Variants in TMTC1 observed in about 807,000 individuals in gnomAD.
TMTC1 encodes protein O-mannosyl-transferase TMTC1.
TMTC1 carries 73 observed loss-of-function variants against 104.8 expected under a neutral mutation model. That is an observed-to-expected ratio of 0.70 (90% CI 0.58 to 0.85). The LOEUF (loss-of-function observed/expected upper bound fraction) is 0.85. Ranked by LOEUF, TMTC1 falls within the 40% of genes least tolerant of loss-of-function variation. The probability of loss-of-function intolerance (pLI) is 0.00; values close to 1 mark genes in which losing one functional copy is unlikely to be tolerated. For synonymous variants in TMTC1, 434 were observed against 428.7 expected (o/e 1.01, Z -0.15); for missense variants, 1,035 against 1,096.1 (o/e 0.94, Z 0.79).
At chr12:29,613,964 T>C (rs922676250) in intron 6 of TMTC1, 9 of 975,636 alleles carry the variant, frequency 9.2e-6, no homozygotes, top group African/African-American at 1.8e-5. Flanking sequence ...GACAGTCCCT[T>C]TGTTCTATAA....
chr12:29,595,770 GTAGGTTAA>G (rs2136370831), intron 7 of TMTC1, among the ~76,000 whole-genome samples: 1 of 152,308 alleles, frequency 6.6e-6, no homozygotes, highest in Non-Finnish European at 1.5e-5. Context: ...GAACCCCTTT[GTAGGTTAA>G]TAAACCAGCA....
At chr12:29,652,253 T>A (rs994305669) in intron 5 of TMTC1, among the ~76,000 whole-genome samples, 1 of 152,146 alleles carries the variant, frequency 6.6e-6, no homozygotes, top group Non-Finnish European at 1.5e-5. Flanking sequence ...AGCATATAAA[T>A]CCTGAGGAGG....
chr12:29,700,236 T>TG, intron 5 of TMTC1, among the ~76,000 whole-genome samples: 1 of 151,184 alleles, frequency 6.6e-6, no homozygotes, highest in African/African-American at 2.4e-5. Flanking sequence ...TCTTTTTTTT[T>TG]TTGTTTTTTT....
intron 5 of TMTC1, among the ~76,000 whole-genome samples, chr12:29,738,066 T>C (rs992309503): frequency 9.9e-5 from 15 of 152,188 alleles, no homozygotes; most frequent in Non-Finnish European, 2.1e-4. Context: ...AAGTGCCAAT[T>C]GGGTGCTTGT....
rs146590744 is a variant in TMTC1 at position 29,722,313 on chromosome 12, G to A, written c.938+29353C>T. Among the ~76,000 whole-genome samples, 953 of 152,200 alleles carry A rather than the reference G, an allele frequency of 6.3e-3. 6 individuals are homozygous for A. The highest frequency in any genetic ancestry group is 9.4e-3 in the Non-Finnish European group (640 of 68,010). On this transcript the variant is annotated intron_variant, in intron 5 of 17. Coordinates refer to ENST00000539277, the MANE Select transcript of TMTC1 (RefSeq NM_001193451.2). Reference sequence around the variant, plus strand: ...GCGGTGGTGATCTGTTGAGTTTTATGGCCCAGTTGGGTTTGATGACATATT... The same window carrying A: ...GCGGTGGTGATCTGTTGAGTTTTATAGCCCAGTTGGGTTTGATGACATATT...
chr12:29,684,326 G>A (rs1941023249), intron 5 of TMTC1, among the ~76,000 whole-genome samples: 1 of 152,184 alleles, frequency 6.6e-6, no homozygotes, highest in South Asian at 2.1e-4. Context: ...ATGTCTTTGA[G>A]CTCCTAACAG....
rs1207873154 is a variant in TMTC1 at position 29,507,001 on chromosome 12, G to A, written c.2509-15C>T. 2 of 1,610,314 alleles carry A rather than the reference G, an allele frequency of 1.2e-6. No individual in the cohort carries two copies. Among genetic ancestry groups the A allele is most frequent in the South Asian group, 1.1e-5 (1 of 90,996 alleles). ...ACATATTTTCCCTGGGGGTGGGAAAGAGGGAGCAATTACATTCTGATCCAT... is the reference window on the plus strand; with the variant it reads ...ACATATTTTCCCTGGGGGTGGGAAAAAGGGAGCAATTACATTCTGATCCAT... On this transcript the variant is annotated splice_polypyrimidine_tract_variant and intron_variant, in intron 17 of 17. Transcript: ENST00000539277.
At chr12:29,533,625 G>C (rs1278147764) in intron 11 of TMTC1, 2 of 152,204 alleles carry the variant, frequency 1.3e-5, no homozygotes, top group East Asian at 3.8e-4. Flanking sequence ...TGGAAAGAAG[G>C]TTCTACAGAT....
At chr12:29,596,512 A>G (rs772758357) in intron 7 of TMTC1, among the ~76,000 whole-genome samples, 3 of 152,248 alleles carry the variant, frequency 2.0e-5, no homozygotes, top group Non-Finnish European at 4.4e-5. Flanking sequence ...TAAGATGACC[A>G]TAATAAAAAT....
chr12:29,529,505 T>C (rs1389120674), intron 11 of TMTC1, among the ~76,000 whole-genome samples: 2 of 152,148 alleles, frequency 1.3e-5, no homozygotes, highest in African/African-American at 2.4e-5. Context: ...TAGTAATACA[T>C]TGTAATATTG....
At chr12:29,736,119 T>C (rs1942665513) in intron 5 of TMTC1, among the ~76,000 whole-genome samples, 2 of 151,910 alleles carry the variant, frequency 1.3e-5, no homozygotes, top group East Asian at 1.9e-4. Context: ...TTACATGAGA[T>C]CGTTATGGGC....
chr12:29,693,507 T>C (rs964594305), intron 5 of TMTC1, among the ~76,000 whole-genome samples: 1 of 152,108 alleles, frequency 6.6e-6, no homozygotes, highest in African/African-American at 2.4e-5. Context: ...GTAACCAACC[T>C]TTCTCTATCC....
At chr12:29,758,628 T>C in intron 3 of TMTC1, 76 bp downstream of exon 3, 1 of 1,394,876 alleles carries the variant, frequency 7.2e-7, no homozygotes, top group Non-Finnish European at 1.0e-6. Context: ...GCTTCTCTCC[T>C]CTCAGGCACA....
chr12:29,644,298 C>T lies in TMTC1; in HGVS notation c.939-10962G>A, dbSNP rs113688916. Among the ~76,000 whole-genome samples, 999 of 150,980 alleles carry T rather than the reference C, an allele frequency of 6.6e-3. 13 individuals are homozygous for T. The highest frequency in any genetic ancestry group is 0.024 in the African/African-American group (964 of 41,004). ...AACATCGTATGTTCTCACCGATATGCGGGAGCTAAGCTGTGAGGATACAAA... is the reference window on the plus strand; with the variant it reads ...AACATCGTATGTTCTCACCGATATGTGGGAGCTAAGCTGTGAGGATACAAA... On this transcript the variant is annotated intron_variant, in intron 5 of 17. Transcript: ENST00000539277.
chr12:29,704,074 T>G (rs999990912), intron 5 of TMTC1, among the ~76,000 whole-genome samples: 1 of 152,222 alleles, frequency 6.6e-6, no homozygotes, highest in African/African-American at 2.4e-5. Flanking sequence ...TATTTCTTCA[T>G]AGCAGTATGA....
chr12:29,722,557 A>T (rs917752688), intron 5 of TMTC1, among the ~76,000 whole-genome samples: 4 of 152,208 alleles, frequency 2.6e-5, no homozygotes, highest in Non-Finnish European at 4.4e-5. Flanking sequence ...AAAAAGAAAG[A>T]AGTAGTTTAA....
At chr12:29,625,638 G>A (rs767856665) in intron 6 of TMTC1, among the ~76,000 whole-genome samples, 3 of 152,200 alleles carry the variant, frequency 2.0e-5, no homozygotes, top group Non-Finnish European at 4.4e-5. Context: ...CAAACTCCCT[G>A]AAAGAAAAGG....
chr12:29,597,478 AG>A lies in TMTC1; in HGVS notation c.1250+6699del. On this transcript the variant is annotated intron_variant, in intron 7 of 17. Coordinates refer to ENST00000539277, the MANE Select transcript of TMTC1 (RefSeq NM_001193451.2). ...ACCAAGGCTTCCTGACCACTTTTGTAGGGCCACTGTCGGGCCCTCCAGAGAG... is the reference window on the plus strand; with the variant it reads ...ACCAAGGCTTCCTGACCACTTTTGTAGGCCACTGTCGGGCCCTCCAGAGAG... Among the ~76,000 whole-genome samples the A allele has an allele frequency of 2.6e-5, 4 of 152,034 alleles. 1 individual carries two copies.
intron 5 of TMTC1, among the ~76,000 whole-genome samples, chr12:29,645,594 CA>C (rs1436958954): frequency 1.3e-5 from 2 of 151,894 alleles, no homozygotes; most frequent in Admixed American, 6.6e-5. Flanking sequence ...CATATATCTG[CA>C]AAAAAGGAAA....
Sources: allele counts gnomAD v4.1 joint callset (sites outside exome capture counted in the v4.1 genomes callset), GRCh38; gene constraint gnomAD v4.1.1; transcripts MANE v1.5; gene names NCBI Gene and HGNC (gene_info 2026-07-23, HGNC 2026-07-21).